ANO3: variants seen among roughly 807,000 people sequenced by gnomAD.
ANO3 encodes anoctamin-3.
Under a neutral mutation model 144.8 loss-of-function variants are expected in ANO3, and 99 were observed. The observed-to-expected ratio is 0.68, with a 90% confidence interval of 0.58 to 0.81. The LOEUF is 0.81. Among genes scored for constraint, ANO3 ranks in the 30% least tolerant of loss-of-function variants. The probability of loss-of-function intolerance (pLI) is 0.00; values close to 1 mark genes in which losing one functional copy is unlikely to be tolerated. For missense variants in ANO3, 905 were observed against 1,202.2 expected, an observed-to-expected ratio of 0.75 and a Z score of 3.66; for synonymous variants, 414 against 392.6, an observed-to-expected ratio of 1.05 and a Z score of -0.64.
intron 12 of ANO3, among the ~76,000 whole-genome samples, chr11:26,551,885 G>A (rs1849942166): frequency 1.3e-5 from 2 of 151,954 alleles, no homozygotes; most frequent in South Asian, 2.1e-4. Flanking sequence ...GATGATGAGT[G>A]TGAAAGTAGA....
chr11:26,381,817 A>G (rs1236886768), intron 1 of ANO3, among the ~76,000 whole-genome samples: 1 of 152,166 alleles, frequency 6.6e-6, no homozygotes, highest in Non-Finnish European at 1.5e-5. Flanking sequence ...GCCATTTCCC[A>G]AGGGCAATGA....
intron 1 of ANO3, among the ~76,000 whole-genome samples, chr11:26,213,538 G>A (rs376791674): frequency 6.6e-6 from 1 of 152,104 alleles, no homozygotes; most frequent in Non-Finnish European, 1.5e-5. Flanking sequence ...ATTGCTACAA[G>A]AGAATAAAGT....
At chr11:26,505,038 A>G (rs1202954671) in intron 4 of ANO3, among the ~76,000 whole-genome samples, 1 of 120,502 alleles carries the variant, frequency 8.3e-6, no homozygotes, top group African/African-American at 2.8e-5. Context: ...AAAAAAAAAA[A>G]AGAAGAGAAA....
intron 1 of ANO3, among the ~76,000 whole-genome samples, chr11:26,340,132 G>C (rs1855317327): frequency 6.6e-6 from 1 of 152,190 alleles, no homozygotes; most frequent in Admixed American, 6.5e-5. Flanking sequence ...CTCTTAGACA[G>C]TTACTAGGCT....
intron 3 of ANO3, among the ~76,000 whole-genome samples, chr11:26,453,195 C>T (rs1471544971): frequency 1.3e-5 from 2 of 152,140 alleles, no homozygotes; most frequent in Admixed American, 1.3e-4. Flanking sequence ...AACCAGCTAA[C>T]ATCATAATGA....
At chr11:26,513,799 A>G (rs294015) in intron 5 of ANO3, among the ~76,000 whole-genome samples, 102,552 of 151,982 alleles carry the variant, frequency 0.67, 34,838 homozygotes, top group East Asian at 0.83. Flanking sequence ...TCAGTTTTAC[A>G]TAGTCCTACA....
intron 1 of ANO3, among the ~76,000 whole-genome samples, chr11:26,352,290 C>G (rs957176798): frequency 1.3e-5 from 2 of 152,136 alleles, no homozygotes; most frequent in Admixed American, 6.5e-5. Flanking sequence ...TAGTCATCCA[C>G]CTTGAGATCT....
intron 14 of ANO3, among the ~76,000 whole-genome samples, chr11:26,576,009 A>G (rs1030670731): frequency 6.6e-6 from 1 of 152,190 alleles, no homozygotes; most frequent in Non-Finnish European, 1.5e-5. Context: ...TAGTCCGCAC[A>G]TGTTAGCAGA....
At chr11:26,362,993 G>A (rs1459483828) in intron 1 of ANO3, among the ~76,000 whole-genome samples, 4 of 152,100 alleles carry the variant, frequency 2.6e-5, no homozygotes, top group African/African-American at 9.7e-5. Flanking sequence ...CATATAACTG[G>A]ATATTTATCC....
intron 1 of ANO3, among the ~76,000 whole-genome samples, chr11:26,220,621 G>A (rs78628113): frequency 0.011 from 1,675 of 152,306 alleles, 27 homozygotes; most frequent in African/African-American, 0.038. Flanking sequence ...CATTCTCATT[G>A]GAGGAGACAA....
chr11:26,194,705 C>G (rs1851550316), intron 1 of ANO3, among the ~76,000 whole-genome samples: 1 of 151,786 alleles, frequency 6.6e-6, no homozygotes, highest in Non-Finnish European at 1.5e-5. Context: ...TCTCCACGTT[C>G]AGGCTCATAC....
In ANO3 at chr11:26,559,784, G is replaced by A. The variant is rs1346985425; in HGVS notation, c.1447+5G>A. The A allele has an allele frequency of 1.3e-6, 2 of 1,592,096 alleles. No homozygotes were observed. Among genetic ancestry groups the A allele is most frequent in the Admixed American group, 1.7e-5 (1 of 59,548 alleles). ...CTATTTTTATGGCAATATGGGGTAA[G>A]TACTTTCTTCATTACTTTCTATCCC... On this transcript the variant is annotated splice_donor_5th_base_variant and intron_variant, in intron 14 of 26. Transcript: ENST00000256737.
Position 26,656,002 on chromosome 11 carries a change from C to T in ANO3, c.2577-123C>T, listed in dbSNP as rs1853675590. On this transcript the variant is annotated intron_variant, in intron 24 of 26. Coordinates refer to ENST00000256737, the MANE Select transcript of ANO3 (RefSeq NM_031418.4). ...GGAATGGAATAAAAGAGCTTGGTTG[C>T]TAAAAGTTTATCATTAGAATGGAAA... is the stretch of plus-strand genomic sequence containing the variant. The T allele has an allele frequency of 5.2e-6, 4 of 767,456 alleles. No individual in the cohort carries two copies. The East Asian group carries it at 1.1e-4, about 21-fold the overall frequency. 47.5% of individuals were successfully genotyped at this position (767,456 alleles called of 1,614,324 possible).
intron 18 of ANO3, among the ~76,000 whole-genome samples, chr11:26,628,490 G>A (rs1852665171): frequency 6.6e-6 from 1 of 152,174 alleles, no homozygotes; most frequent in African/African-American, 2.4e-5. Flanking sequence ...TATCCTTAGT[G>A]TTGAGGATTT....
At chr11:26,627,066 A>G (rs1184031148) in intron 18 of ANO3, among the ~76,000 whole-genome samples, 1 of 152,042 alleles carries the variant, frequency 6.6e-6, no homozygotes, top group Non-Finnish European at 1.5e-5. Flanking sequence ...CTACATTATC[A>G]TAGTTGTGCA....
intron 17 of ANO3, among the ~76,000 whole-genome samples, chr11:26,616,086 G>A (rs1261085920): frequency 6.6e-6 from 1 of 152,060 alleles, no homozygotes; most frequent in Non-Finnish European, 1.5e-5. Context: ...TTTTTAAAAT[G>A]TCTTACTCTT....
intron 1 of ANO3, among the ~76,000 whole-genome samples, chr11:26,380,109 G>C (rs189843387): frequency 8.6e-4 from 131 of 152,174 alleles, no homozygotes; most frequent in Non-Finnish European, 1.3e-3. Flanking sequence ...TCCTATCTCA[G>C]TTCTAGTCAG....
At chr11:26,556,223 G>T (rs1314724335) in intron 13 of ANO3, among the ~76,000 whole-genome samples, 1 of 152,002 alleles carries the variant, frequency 6.6e-6, no homozygotes, top group Non-Finnish European at 1.5e-5. Flanking sequence ...ATCAAACCCT[G>T]TGATGCTAGG....
chr11:26,329,768 AAAGGTGAT>A (rs1854988944), upstream of ANO3, among the ~76,000 whole-genome samples: 2 of 152,130 alleles, frequency 1.3e-5, no homozygotes, highest in Non-Finnish European at 1.5e-5. Flanking sequence ...TTAGGAAGGT[AAAGGTGAT>A]ACCTGTGCCT....
Sources: gnomAD v4.1 joint callset for allele counts (sites outside exome capture counted in the v4.1 genomes callset) on GRCh38, gnomAD v4.1.1 for gene constraint, MANE v1.5 for transcripts, NCBI Gene and HGNC (gene_info 2026-07-23, HGNC 2026-07-21) for gene names.